Variants in FXYD6 observed in about 807,000 individuals in gnomAD.
The protein encoded by FXYD6 is FXYD domain containing ion transport regulator 6.
In FXYD6, 7 loss-of-function variants were observed where a neutral mutation model predicts 16.7. The ratio of observed to expected loss-of-function variants is 0.42; its 90% CI spans 0.24 to 0.79. The LOEUF (loss-of-function observed/expected upper bound fraction) is 0.79. Ranked by LOEUF, FXYD6 falls within the 30% of genes least tolerant of loss-of-function variation. The pLI, the probability that FXYD6 is intolerant of heterozygous loss-of-function variation, is 0.28. For synonymous variants in FXYD6, 49 were observed against 43.0 expected, an observed-to-expected ratio of 1.14 and a Z score of -0.54; for missense variants, 111 against 116.2, an observed-to-expected ratio of 0.95 and a Z score of 0.21.
chr11:117,855,298 G>A (rs1306571679), intron 1 of FXYD6, among the ~76,000 whole-genome samples: 2 of 152,162 alleles, frequency 1.3e-5, no homozygotes, highest in African/African-American at 4.8e-5. Flanking sequence ...TCCCAGCCTG[G>A]GCTACATCAA....
chr11:117,874,311 T>G (rs929467546), intron 1 of FXYD6, among the ~76,000 whole-genome samples: 19 of 152,164 alleles, frequency 1.2e-4, no homozygotes, highest in Non-Finnish European at 2.8e-4. Context: ...AAGGAAACGC[T>G]TCCCCCAGGC....
At chr11:117,842,640 A>G in intron 2 of FXYD6, 79 bp downstream of exon 2, 1 of 1,444,314 alleles carries the variant, frequency 6.9e-7, no homozygotes, top group Non-Finnish European at 9.5e-7. Flanking sequence ...TAATGTCCCA[A>G]GGGGCCCAGA....
chr11:117,874,228 A>T (rs551646397), intron 1 of FXYD6, among the ~76,000 whole-genome samples: 1 of 152,290 alleles, frequency 6.6e-6, no homozygotes, highest in African/African-American at 2.4e-5. Context: ...CACAGTAGAC[A>T]CTTAAAACAG....
intron 1 of FXYD6, among the ~76,000 whole-genome samples, chr11:117,851,280 G>A (rs1484066657): frequency 7.0e-6 from 1 of 142,918 alleles, no homozygotes; most frequent in Non-Finnish European, 1.6e-5. Flanking sequence ...AGCCTCTTGT[G>A]TGCTCTCTCT....
At chr11:117,859,315 A>G (rs904780959) in intron 1 of FXYD6, among the ~76,000 whole-genome samples, 3 of 152,100 alleles carry the variant, frequency 2.0e-5, no homozygotes, top group Non-Finnish European at 4.4e-5. Context: ...GCCTTTACAA[A>G]GCACACCCCT....
At chr11:117,866,840 C>T (rs1218780675) in intron 1 of FXYD6, among the ~76,000 whole-genome samples, 4 of 152,202 alleles carry the variant, frequency 2.6e-5, no homozygotes, top group Admixed American at 1.3e-4. Context: ...GAACTACTAG[C>T]CGGCAGCCTT....
chr11:117,849,387 C>T (rs958274689), intron 1 of FXYD6, among the ~76,000 whole-genome samples: 6 of 152,166 alleles, frequency 3.9e-5, no homozygotes, highest in African/African-American at 1.4e-4. Flanking sequence ...TGCCTTGAAA[C>T]GTGTTGAGAC....
chr11:117,860,646 G>A (rs1010385366), intron 1 of FXYD6, among the ~76,000 whole-genome samples: 3 of 152,190 alleles, frequency 2.0e-5, no homozygotes, highest in African/African-American at 4.8e-5. Flanking sequence ...TGCGGGCAGC[G>A]CAGAATCAGT....
chr11:117,851,883 A>G (rs2056617638), intron 1 of FXYD6, among the ~76,000 whole-genome samples: 1 of 152,242 alleles, frequency 6.6e-6, no homozygotes, highest in South Asian at 2.1e-4. Context: ...ACTTTTAACC[A>G]ACAGAATGTG....
At position 117,849,357 on chromosome 11, in the gene FXYD6, T is replaced by C. The variant is rs113015300; in HGVS notation, c.-5-6576A>G. Among the ~76,000 whole-genome samples the C allele has an allele frequency of 7.3e-3, 1,119 of 152,368 alleles. 9 individuals are homozygous for C. The highest frequency in any genetic ancestry group is 0.011 in the South Asian group (52 of 4,830). ...TTAAGTGCACCAAGGTCACAAAACA[T>C]GGTCTGTATGATGTACAGATGCCTT... On this transcript the variant is annotated intron_variant, in intron 1 of 7. Transcript: ENST00000526014.
At chr11:117,866,070 A>G (rs2057007284) in intron 1 of FXYD6, among the ~76,000 whole-genome samples, 1 of 152,206 alleles carries the variant, frequency 6.6e-6, no homozygotes, top group Non-Finnish European at 1.5e-5. Flanking sequence ...GATTCCACTC[A>G]TATGAGGCAC....
chr11:117,861,884 G>A (rs893773586), intron 1 of FXYD6, among the ~76,000 whole-genome samples: 3 of 152,212 alleles, frequency 2.0e-5, no homozygotes, highest in Non-Finnish European at 4.4e-5. Context: ...GCCTTTTCCT[G>A]CCTCAAGACA....
In FXYD6 at chr11:117,838,152, G is replaced by T. The variant is rs747385252; in HGVS notation, c.*147C>A. The T allele has an allele frequency of 2.6e-5, 18 of 701,156 alleles. No homozygotes were observed. The highest frequency in any genetic ancestry group is 4.4e-5 in the Non-Finnish European group (17 of 384,960). 43.4% of individuals were successfully genotyped at this position (701,156 alleles called of 1,614,324 possible). On this transcript the variant is annotated 3_prime_UTR_variant, in exon 8 of 8. Coordinates refer to ENST00000526014, the MANE Select transcript of FXYD6 (RefSeq NM_022003.4). Reference sequence around the variant, plus strand: ...CAGGTGGAGGAATGGTGTTAGAGGGGATAGGGTGGGGGACACACAAGTTCT... The same window carrying T: ...CAGGTGGAGGAATGGTGTTAGAGGGTATAGGGTGGGGGACACACAAGTTCT...
chr11:117,875,420 G>T (rs1040093980), intron 1 of FXYD6, among the ~76,000 whole-genome samples: 2 of 152,078 alleles, frequency 1.3e-5, no homozygotes, highest in African/African-American at 2.4e-5. Flanking sequence ...AACCATACTG[G>T]GGGGAGGGGA....
chr11:117,875,346 A>G (rs1453229350), intron 1 of FXYD6, among the ~76,000 whole-genome samples: 1 of 151,876 alleles, frequency 6.6e-6, no homozygotes, highest in Non-Finnish European at 1.5e-5. Flanking sequence ...GTAAGGGGCC[A>G]CTGCAATTGG....
intron 1 of FXYD6, among the ~76,000 whole-genome samples, chr11:117,852,805 T>C (rs1451271655): frequency 1.3e-5 from 2 of 152,272 alleles, no homozygotes; most frequent in Non-Finnish European, 2.9e-5. Flanking sequence ...TTAACTGCTC[T>C]TTCATATTTT....
chr11:117,863,334 G>A (rs974585160), intron 1 of FXYD6, among the ~76,000 whole-genome samples: 50 of 151,896 alleles, frequency 3.3e-4, no homozygotes, highest in African/African-American at 1.2e-3. Context: ...TACCACATTA[G>A]CAAAACGGAG....
chr11:117,839,611 T>G (rs2056289034), intron 7 of FXYD6, 170 bp downstream of exon 7: 4 of 689,626 alleles, frequency 5.8e-6, no homozygotes, highest in Non-Finnish European at 9.7e-6. Flanking sequence ...CTAGTCCTGG[T>G]CTCTCTCACA....
intron 1 of FXYD6, among the ~76,000 whole-genome samples, chr11:117,848,469 T>C (rs1386664713): frequency 6.6e-6 from 1 of 152,108 alleles, no homozygotes; most frequent in African/African-American, 2.4e-5. Flanking sequence ...TGCATCTATG[T>C]GCATGAGTGA....
Sources: allele counts gnomAD v4.1 joint callset (sites outside exome capture counted in the v4.1 genomes callset), GRCh38; gene constraint gnomAD v4.1.1; transcripts MANE v1.5; gene names NCBI Gene and HGNC (gene_info 2026-07-23, HGNC 2026-07-21).